Variants in SORCS2 observed in about 807,000 individuals in gnomAD.
The protein encoded by SORCS2 is sortilin related VPS10 domain containing receptor 2.
In SORCS2, 100 loss-of-function variants were observed where a neutral mutation model predicts 141.6. That is an observed-to-expected ratio of 0.71 (90% confidence interval 0.60 to 0.83). The LOEUF (loss-of-function observed/expected upper bound fraction) is 0.83, where lower values mean the gene tolerates loss of function less well. Ranked by LOEUF, SORCS2 falls within the 40% of genes least tolerant of loss-of-function variation. The pLI, the probability that SORCS2 is intolerant of heterozygous loss-of-function variation, is 0.00. For missense variants in SORCS2, 1,646 were observed against 1,560.2 expected, an observed-to-expected ratio of 1.05 and a Z score of -0.93; for synonymous variants, 789 against 676.9, an observed-to-expected ratio of 1.17 and a Z score of -2.57.
chr4:7,344,642 G>C (rs987244802), intron 1 of SORCS2, among the ~76,000 whole-genome samples: 1 of 152,186 alleles, frequency 6.6e-6, no homozygotes, highest in Non-Finnish European at 1.5e-5. Context: ...CTGAGGTGAG[G>C]GGCAGAAACA....
At chr4:7,729,543 A>G (rs1249453734) in intron 22 of SORCS2, 44 bp from the exon 23 acceptor site, 2 of 1,551,182 alleles carry the variant, frequency 1.3e-6, no homozygotes, top group Non-Finnish European at 1.7e-6. Context: ...GAGGCAGGGA[A>G]TGAGGAAGAC....
chr4:7,232,507 C>T (rs1443504419), intron 1 of SORCS2, among the ~76,000 whole-genome samples: 1 of 152,204 alleles, frequency 6.6e-6, no homozygotes, highest in Non-Finnish European at 1.5e-5. Context: ...TTCATCATCT[C>T]TACAGCCCCC....
intron 1 of SORCS2, among the ~76,000 whole-genome samples, chr4:7,245,398 C>G (rs937322574): frequency 6.6e-6 from 1 of 152,236 alleles, no homozygotes; most frequent in African/African-American, 2.4e-5. Flanking sequence ...CGTTTCAGGA[C>G]TGATATGGAA....
At chr4:7,197,122 G>T (rs761104074) in intron 1 of SORCS2, among the ~76,000 whole-genome samples, 1 of 152,162 alleles carries the variant, frequency 6.6e-6, no homozygotes, top group Non-Finnish European at 1.5e-5. Context: ...CCTCTCTCCT[G>T]GGCTCGCAGA....
chr4:7,438,556 T>C (rs1727453129), intron 2 of SORCS2, among the ~76,000 whole-genome samples: 1 of 152,218 alleles, frequency 6.6e-6, no homozygotes, highest in East Asian at 1.9e-4. Context: ...TCCTTCTCTA[T>C]TGATTAGTTT....
At chr4:7,360,044 G>A (rs940586370) in intron 1 of SORCS2, among the ~76,000 whole-genome samples, 1 of 152,192 alleles carries the variant, frequency 6.6e-6, no homozygotes, top group African/African-American at 2.4e-5. Context: ...ACAATTACAT[G>A]CATTATTTTA....
intron 3 of SORCS2, among the ~76,000 whole-genome samples, chr4:7,567,965 C>A (rs1001062766): frequency 6.6e-6 from 1 of 152,112 alleles, no homozygotes; most frequent in African/African-American, 2.4e-5. Flanking sequence ...TGACATATTC[C>A]GATCACTGTA....
rs200965497 is a variant in SORCS2 at position 7,724,815 on chromosome 4, T to A, written c.2612-339T>A. Among the ~76,000 whole-genome samples the A allele has an allele frequency of 1.7e-4, 24 of 142,172 alleles. 2 individuals are homozygous for A. Among genetic ancestry groups the A allele is most frequent in the Admixed American group, 1.4e-3 (20 of 14,308 alleles). 93.3% of individuals were successfully genotyped at this position (142,172 alleles called of 152,430 possible). ...AGGATGGTGATGGTGGTGATGGTGG[T>A]GGTGATGGCAGTGATGATGGTGGAG... On this transcript the variant is annotated intron_variant, in intron 19 of 26. Coordinates refer to ENST00000507866, the MANE Select transcript of SORCS2 (RefSeq NM_020777.3).
rs114787916 is a variant in SORCS2 at position 7,617,863 on chromosome 4, G to A, written c.649-20465G>A. 5.7e-3 allele frequency among the ~76,000 whole-genome samples: 870 copies of A among 152,240 alleles called. 4 individuals are homozygous for A. The highest frequency in any genetic ancestry group is 0.019 in the African/African-American group (791 of 41,538). On this transcript the variant is annotated intron_variant, in intron 3 of 26. Coordinates refer to ENST00000507866, the MANE Select transcript of SORCS2 (RefSeq NM_020777.3). ...GGAAGAAGTGTGCTTCCTCTGAGCCGCCTACCGGTGCCGCCCCAGCTCTGC... is the reference window on the plus strand; with the variant it reads ...GGAAGAAGTGTGCTTCCTCTGAGCCACCTACCGGTGCCGCCCCAGCTCTGC...
intron 1 of SORCS2, among the ~76,000 whole-genome samples, chr4:7,206,014 C>T (rs1727710272): frequency 6.6e-6 from 1 of 152,162 alleles, no homozygotes; most frequent in Admixed American, 6.5e-5. Flanking sequence ...CCACTGCACT[C>T]CAGCCTGGGT....
chr4:7,554,448 A>G (rs1176893912), intron 3 of SORCS2, among the ~76,000 whole-genome samples: 1 of 152,120 alleles, frequency 6.6e-6, no homozygotes, highest in Non-Finnish European at 1.5e-5. Context: ...CTCTGTGCTG[A>G]CACTCATTGG....
intron 1 of SORCS2, among the ~76,000 whole-genome samples, chr4:7,235,512 C>T (rs186577517): frequency 6.6e-6 from 1 of 152,336 alleles, no homozygotes; most frequent in African/African-American, 2.4e-5. Flanking sequence ...CAGGTTTCTG[C>T]GACTGCAGAG....
intron 12 of SORCS2, among the ~76,000 whole-genome samples, chr4:7,701,533 C>T (rs1725083463): frequency 6.6e-6 from 1 of 152,168 alleles, no homozygotes; most frequent in South Asian, 2.1e-4. Context: ...AGGGGCCCCT[C>T]CTTCGGGGCC....
At chr4:7,266,916 G>A (rs1169987764) in intron 1 of SORCS2, among the ~76,000 whole-genome samples, 1 of 152,008 alleles carries the variant, frequency 6.6e-6, no homozygotes, top group Non-Finnish European at 1.5e-5. Flanking sequence ...TGTTTCCTCT[G>A]CAGACGGTGG....
chr4:7,699,905 C>G lies in SORCS2; in HGVS notation c.1668+2631C>G, dbSNP rs79830939. On this transcript the variant is annotated intron_variant, in intron 12 of 26. Transcript: ENST00000507866. ...CCTAAATCATTGTGGGAGCCTCTAACGAGCCCCTGCCCCTCTTGTCCGTCT... is the reference window on the plus strand; with the variant it reads ...CCTAAATCATTGTGGGAGCCTCTAAGGAGCCCCTGCCCCTCTTGTCCGTCT... Among the ~76,000 whole-genome samples, 4 of 152,288 alleles carry G rather than the reference C, an allele frequency of 2.6e-5. No homozygotes were observed. In the South Asian group the frequency reaches 8.3e-4, roughly 32 times the overall value.
intron 2 of SORCS2, among the ~76,000 whole-genome samples, chr4:7,469,717 T>G (rs984373871): frequency 4.6e-5 from 7 of 152,188 alleles, no homozygotes; most frequent in African/African-American, 1.7e-4. Context: ...GGAGTGGAGC[T>G]CCTGTGTCTG....
At chr4:7,711,284 T>A (rs1239353731) in intron 14 of SORCS2, among the ~76,000 whole-genome samples, 1 of 152,190 alleles carries the variant, frequency 6.6e-6, no homozygotes, top group Non-Finnish European at 1.5e-5. Flanking sequence ...AATCTTCAAA[T>A]ATCAGCCTCA....
chr4:7,544,789 C>T (rs564883237), intron 3 of SORCS2, among the ~76,000 whole-genome samples: 167 of 152,338 alleles, frequency 1.1e-3, no homozygotes, highest in Middle Eastern at 0.01. Context: ...CCTGCCATCC[C>T]CAGTCTCCCC....
chr4:7,368,753 G>T (rs1722066546), intron 1 of SORCS2, among the ~76,000 whole-genome samples: 1 of 152,186 alleles, frequency 6.6e-6, no homozygotes, highest in East Asian at 1.9e-4. Flanking sequence ...GATGTGGTTT[G>T]GCTGTGTCCC....
Sources: gnomAD v4.1 joint callset for allele counts (sites outside exome capture counted in the v4.1 genomes callset) on GRCh38, gnomAD v4.1.1 for gene constraint, MANE v1.5 for transcripts, NCBI Gene and HGNC (gene_info 2026-07-23, HGNC 2026-07-21) for gene names.